The following QSOX2 variants were observed in gnomAD, a reference collection of about 807,000 sequenced individuals.
The protein encoded by QSOX2 is quiescin sulfhydryl oxidase 2, also known as sulfhydryl oxidase 2.
A neutral mutation model predicts 61.7 loss-of-function variants in QSOX2; 46 were observed. The ratio of observed to expected loss-of-function variants is 0.75; its 90% CI spans 0.59 to 0.95. QSOX2 has a LOEUF of 0.95. Ranked by LOEUF, QSOX2 falls within the 40% of genes least tolerant of loss-of-function variation. QSOX2 has a pLI of 0.00. For missense variants in QSOX2, 879 were observed against 918.9 expected, an observed-to-expected ratio of 0.96 and a Z score of 0.56; for synonymous variants, 383 against 388.4, an observed-to-expected ratio of 0.99 and a Z score of 0.16.
intron 8 of QSOX2, among the ~76,000 whole-genome samples, chr9:136,217,740 G>A (rs778846049): frequency 2.6e-5 from 4 of 152,130 alleles, no homozygotes; most frequent in African/African-American, 4.8e-5. Context: ...TTAGCTGGCC[G>A]GCGGCCACCA....
chr9:136,212,577 C>T (rs545625566), intron 10 of QSOX2, among the ~76,000 whole-genome samples: 79 of 152,358 alleles, frequency 5.2e-4, no homozygotes, highest in Admixed American at 5.0e-3. Flanking sequence ...AGCGTGTCCA[C>T]GGGCAGCTGG....
At chr9:136,218,896 C>G (rs1831947103) in intron 7 of QSOX2, 88 bp from the exon 8 acceptor site, 1 of 1,574,768 alleles carries the variant, frequency 6.4e-7, no homozygotes, top group South Asian at 1.2e-5. Context: ...CACGGACTCC[C>G]AGGGCCCCTG....
chr9:136,212,871 C>T (rs367689242), intron 10 of QSOX2, among the ~76,000 whole-genome samples: 17 of 152,316 alleles, frequency 1.1e-4, no homozygotes, highest in East Asian at 7.7e-4. Context: ...ATCCCGTGGT[C>T]GCCTCTGACC....
At chr9:136,210,275 C>A in intron 11 of QSOX2, 1 of 985,490 alleles carries the variant, frequency 1.0e-6, no homozygotes, top group Non-Finnish European at 1.2e-6. Context: ...GGTCTCAATG[C>A]ACAGGCTGGA....
Position 136,216,708 on chromosome 9 carries a change from C to A in QSOX2, c.1101G>T (p.Arg367=), listed in dbSNP as rs1831918182. 1.9e-6 allele frequency: 3 copies of A among 1,613,504 alleles called. No individual in the cohort carries two copies. The highest frequency in any genetic ancestry group is 1.6e-4 in the Middle Eastern group (1 of 6,082). The change falls in exon 9 of 12, where the codon CGG becomes CGT. Residue 367 remains arginine (R), a synonymous_variant. Coordinates refer to ENST00000358701, the MANE Select transcript of QSOX2 (RefSeq NM_181701.4). ...VTVLAKLFPG[R]PPVKKLLEML... is the part of the protein sequence containing the mutation. ...TCTCCAACAGCTTCTTGACTGGCGGCCGTCCAGGGAACAGCTGCATGAGGA... is the reference window on the plus strand; with the variant it reads ...TCTCCAACAGCTTCTTGACTGGCGGACGTCCAGGGAACAGCTGCATGAGGA...
At chr9:136,229,068 C>G (rs1285217159) in intron 1 of QSOX2, among the ~76,000 whole-genome samples, 1 of 152,184 alleles carries the variant, frequency 6.6e-6, no homozygotes, top group East Asian at 1.9e-4. Flanking sequence ...CAGATACTGG[C>G]CTTTTCTCCC....
At position 136,216,579 on chromosome 9, in the gene QSOX2, G is replaced by C. The variant is rs527361778; in HGVS notation, c.1209+21C>G. The C allele has an allele frequency of 2.5e-6, 4 of 1,612,488 alleles. No individual in the cohort carries two copies. The Admixed American group carries it at 6.7e-5, about 27-fold the overall frequency. ...GAGGGAAGGAGGGTGCAGCGTGGCT[G>C]GCGAGGGTTCTGGGGCTCACCCGCA... On this transcript the variant is annotated intron_variant, in intron 9 of 11. Transcript: ENST00000358701.
Position 136,233,717 on chromosome 9 carries a change from A to C in QSOX2, c.329-6843T>G, listed in dbSNP as rs1588639912. Among the ~76,000 whole-genome samples the C allele has an allele frequency of 2.0e-5, 3 of 152,304 alleles. No homozygotes were observed. In the Middle Eastern group the frequency reaches 0.01, roughly 518 times the overall value. On this transcript the variant is annotated intron_variant, in intron 1 of 11. Transcript: ENST00000358701. ...GTTCCATGAGACGAATCGTGCAGCA[A>C]CTCAAGAGAACAGAAGACGACGCTG...
chr9:136,242,520 G>T (rs1830441006), intron 1 of QSOX2, among the ~76,000 whole-genome samples: 1 of 152,280 alleles, frequency 6.6e-6, no homozygotes, highest in African/African-American at 2.4e-5. Flanking sequence ...GGCCACAGGT[G>T]ACTGATCTGA....
At position 136,208,446 on chromosome 9, in the gene QSOX2, A is replaced by G. The variant is rs1831802672; in HGVS notation, c.*282T>C. The G allele has an allele frequency of 2.7e-6, 1 of 377,354 alleles. No homozygotes were observed. The highest frequency in any genetic ancestry group is 4.8e-6 in the Non-Finnish European group (1 of 209,970). The allele number at this position is 377,354 out of a possible 1,614,324, so 23.4% of individuals were successfully genotyped here. ...TGCACCCTCTTTTCACATCTAGAAG[A>G]GTAAAAATACAGAAGTCTTTTTGCT... On this transcript the variant is annotated 3_prime_UTR_variant, in exon 12 of 12. Coordinates refer to ENST00000358701, the MANE Select transcript of QSOX2 (RefSeq NM_181701.4).
chr9:136,231,592 C>T (rs1439597767), intron 1 of QSOX2, among the ~76,000 whole-genome samples: 2 of 152,274 alleles, frequency 1.3e-5, no homozygotes, highest in African/African-American at 4.8e-5. Flanking sequence ...ACATAGGAGG[C>T]CCCTGGCCAG....
rs1437322230 is a variant in QSOX2 at position 136,222,907 on chromosome 9, C to A, written c.675+856G>T. 6.6e-6 allele frequency among the ~76,000 whole-genome samples: 1 copy of A among 152,180 alleles called. No individual in the cohort carries two copies. Among genetic ancestry groups the A allele is most frequent in the Non-Finnish European group, 1.5e-5 (1 of 68,030 alleles). On this transcript the variant is annotated intron_variant, in intron 5 of 11. Transcript: ENST00000358701. This position sits in a 1 kb window ranked among gnomAD's most constrained non-coding sequence, Gnocchi z 6.9. ...GAGCCACACACTGCTAGCGGTTCCTCAGCCCTCCACAGAGAATCCTGGCCA... is the reference window on the plus strand; with the variant it reads ...GAGCCACACACTGCTAGCGGTTCCTAAGCCCTCCACAGAGAATCCTGGCCA...
At position 136,223,217 on chromosome 9, in the gene QSOX2, T is replaced by C. The variant is rs569341763; in HGVS notation, c.675+546A>G. Among the ~76,000 whole-genome samples, 361 of 152,290 alleles carry C rather than the reference T, an allele frequency of 2.4e-3. 1 individual carries two copies. The highest frequency in any genetic ancestry group is 8.3e-3 in the African/African-American group (346 of 41,538). On this transcript the variant is annotated intron_variant, in intron 5 of 11. Coordinates refer to ENST00000358701, the MANE Select transcript of QSOX2 (RefSeq NM_181701.4). The surrounding 1 kb of genome is among the most constrained non-coding windows in gnomAD (Gnocchi z 4.4). ...ACGCATGTGCAGTGAGGCCTTTCTC[T>C]CGTCTCCGGGAAGACTGTCAGCAAT...
rs781948371 is a variant in QSOX2, at chr9:136,245,632, C to T, written c.172G>A (p.Ala58Thr). 7 of 1,485,268 alleles carry T rather than the reference C, an allele frequency of 4.7e-6. No homozygotes were observed. The African/African-American group carries it at 8.7e-5, about 19-fold the overall frequency. 92.0% of individuals were successfully genotyped at this position (1,485,268 alleles called of 1,614,324 possible). ...AGCACCCACACGGCGTCCTCGCCCG[C>T]GCGGTACAGCCGCGCCGCACCGCCC... Reference protein sequence around the residue: ...GAGGAARLYRAGEDAVWVLDS... With the variant: ...GAGGAARLYRTGEDAVWVLDS... The change falls in exon 1 of 12, where the codon GCG becomes ACG. Residue 58 changes from alanine to threonine, a missense_variant. Physicochemically the swap from Ala to Thr is moderately conservative, Grantham distance 58. Transcript: ENST00000358701.
In QSOX2 at chr9:136,215,076, C is replaced by T. The variant is rs899079776; in HGVS notation, c.1360+78G>A. ...ACATGCTGCCTCCCATACAGCAGTA[C>T]ATGCCTTTGCACACACCGGCTGGGT... On this transcript the variant is annotated intron_variant, in intron 10 of 11. Coordinates refer to ENST00000358701, the MANE Select transcript of QSOX2 (RefSeq NM_181701.4). 4.6e-6 allele frequency: 7 copies of T among 1,525,066 alleles called. No homozygotes were observed. The Admixed American group carries it at 1.5e-4, about 32-fold the overall frequency. The allele number at this position is 1,525,066 out of a possible 1,614,324, so 94.5% of individuals were successfully genotyped here.
intron 2 of QSOX2, 145 bp downstream of exon 2, chr9:136,226,629 G>A (rs147320751): frequency 0.015 from 11,329 of 742,250 alleles, 133 homozygotes; most frequent in Middle Eastern, 0.031. Flanking sequence ...CAATTCCTAC[G>A]AAGTTCCAAG....
At chr9:136,236,473 G>A (rs992409732) in intron 1 of QSOX2, among the ~76,000 whole-genome samples, 16 of 152,216 alleles carry the variant, frequency 1.1e-4, no homozygotes, top group African/African-American at 2.9e-4. Context: ...CTCCAGTTTT[G>A]GCCAATCTGA....
At chr9:136,231,214 C>T (rs1830326751) in intron 1 of QSOX2, among the ~76,000 whole-genome samples, 2 of 152,200 alleles carry the variant, frequency 1.3e-5, no homozygotes, top group Admixed American at 1.3e-4. Flanking sequence ...GCATAGCACA[C>T]ACCTCGAGCA....
chr9:136,218,081 C>T (rs1051360848), intron 8 of QSOX2, among the ~76,000 whole-genome samples: 11 of 152,240 alleles, frequency 7.2e-5, no homozygotes, highest in African/African-American at 2.7e-4. Flanking sequence ...CATGGAGTTA[C>T]ACCTGGCCAC....
Sources: gnomAD v4.1 joint callset for allele counts (sites outside exome capture counted in the v4.1 genomes callset) on GRCh38, gnomAD v4.1.1 for gene constraint, Gnocchi (gnomAD v3.1) non-coding constraint, MANE v1.5 for transcripts, NCBI Gene and HGNC (gene_info 2026-07-23, HGNC 2026-07-21) for gene names.